The following CNTNAP3B variants were observed in gnomAD, a reference collection of about 807,000 sequenced individuals.
CNTNAP3B encodes the protein contactin associated protein family member 3B.
CNTNAP3B carries 25 observed loss-of-function variants against 108.9 expected under a neutral mutation model. That is an observed-to-expected ratio of 0.23 (90% CI 0.17 to 0.32). CNTNAP3B has a LOEUF of 0.32. Among genes scored for constraint, CNTNAP3B ranks in the 10% least tolerant of loss-of-function variants. The pLI is 1.00. For missense variants in CNTNAP3B, 252 were observed against 1,210.4 expected, an observed-to-expected ratio of 0.21 and a Z score of 11.75; for synonymous variants, 103 against 473.4, an observed-to-expected ratio of 0.22 and a Z score of 10.16.
At chr9:41,999,213 G>A (rs1251111742) in intron 4 of CNTNAP3B, among the ~76,000 whole-genome samples, 1 of 2,378 alleles carries the variant, frequency 4.2e-4, no homozygotes, top group Admixed American at 4.3e-3. Flanking sequence ...GCACTGCAAT[G>A]TGTCAACTTG....
chr9:42,113,445 T>C (rs1032161254), intron 1 of CNTNAP3B, among the ~76,000 whole-genome samples: 3 of 140,128 alleles, frequency 2.1e-5, no homozygotes, highest in African/African-American at 8.5e-5. Context: ...AAGACGAACC[T>C]ATTTTTTTGA....
chr9:41,990,329 G>C (rs1159745897), intron 8 of CNTNAP3B, among the ~76,000 whole-genome samples: 1 of 126,370 alleles, frequency 7.9e-6, no homozygotes, highest in Non-Finnish European at 1.6e-5. Flanking sequence ...AATCTTATTC[G>C]TGAGGAAATG....
intron 13 of CNTNAP3B, among the ~76,000 whole-genome samples, chr9:41,943,770 T>C (rs1360163016): frequency 5.9e-5 from 9 of 152,200 alleles, no homozygotes; most frequent in Non-Finnish European, 1.3e-4. Context: ...TGAGAATGTT[T>C]CAAAATTAAT....
Position 41,929,728 on chromosome 9 carries a change from C to A in CNTNAP3B, c.2238-284G>T, listed in dbSNP as rs557427134. Among the ~76,000 whole-genome samples the A allele has an allele frequency of 1.3e-3, 180 of 133,494 alleles. 24 individuals are homozygous for A. Among genetic ancestry groups the A allele is most frequent in the African/African-American group, 5.3e-3 (175 of 33,092 alleles). The allele number at this position is 133,494 out of a possible 152,430, so 87.6% of individuals were successfully genotyped here. On this transcript the variant is annotated intron_variant, in intron 14 of 23. Transcript: ENST00000377561. ...AAAGCAGCCACAGACACAGGCATGG[C>A]TGGGTTGCAATAAAAATTTTTGGAT...
intron 11 of CNTNAP3B, among the ~76,000 whole-genome samples, chr9:41,961,457 A>C (rs1349632778): frequency 6.6e-6 from 1 of 152,306 alleles, no homozygotes; most frequent in African/African-American, 2.4e-5. Flanking sequence ...CTCAGAATTA[A>C]ACTCTATAAT....
intron 3 of CNTNAP3B, among the ~76,000 whole-genome samples, chr9:42,076,264 A>G (rs1827486356): frequency 8.4e-6 from 1 of 119,612 alleles, no homozygotes; most frequent in Non-Finnish European, 1.7e-5. Context: ...AAAATACAAA[A>G]AAAAAAAAAA....
intron 13 of CNTNAP3B, among the ~76,000 whole-genome samples, chr9:41,944,589 C>G (rs1326648088): frequency 6.6e-6 from 1 of 151,898 alleles, no homozygotes; most frequent in African/African-American, 2.4e-5. Context: ...ATAAAATGCT[C>G]AATTAAAACA....
At position 42,097,288 on chromosome 9, in the gene CNTNAP3B, G is replaced by A. The variant is rs563427919; in HGVS notation, c.196+7341C>T. Reference sequence around the variant, plus strand: ...AGGCATGGAAAATGGGGATGAGTGCGTCCAAGTTAGTTCCAATTTTCAAAC... The same window carrying A: ...AGGCATGGAAAATGGGGATGAGTGCATCCAAGTTAGTTCCAATTTTCAAAC... On this transcript the variant is annotated intron_variant, in intron 2 of 23. Transcript: ENST00000377561. Among the ~76,000 whole-genome samples the A allele has an allele frequency of 2.6e-4, 36 of 140,116 alleles. 5 individuals carry two copies. In the East Asian group the frequency reaches 5.6e-3, roughly 22 times the overall value. The allele number at this position is 140,116 out of a possible 152,430, so 91.9% of individuals were successfully genotyped here.
At chr9:41,957,801 C>A (rs1481318638) in intron 12 of CNTNAP3B, among the ~76,000 whole-genome samples, 1 of 152,296 alleles carries the variant, frequency 6.6e-6, no homozygotes, top group African/African-American at 2.4e-5. Flanking sequence ...CGCTCTGTCA[C>A]CCAGGCTGGA....
intron 3 of CNTNAP3B, among the ~76,000 whole-genome samples, chr9:42,034,158 A>G (rs1358311087): frequency 4.0e-5 from 4 of 100,810 alleles, no homozygotes; most frequent in Non-Finnish European, 8.3e-5. Flanking sequence ...TAATCTACCT[A>G]TTTATCTATA....
rs370092798 is a variant in CNTNAP3B, at chr9:42,044,315, GTT to G, written c.391-30792_391-30791del. Among the ~76,000 whole-genome samples the G allele has an allele frequency of 1.4e-3, 210 of 151,378 alleles. No individual in the cohort carries two copies. In the East Asian group the frequency reaches 0.014, roughly 10 times the overall value. On this transcript the variant is annotated intron_variant, in intron 3 of 23. Coordinates refer to ENST00000377561, the MANE Select transcript of CNTNAP3B (RefSeq NM_001201380.3). ...CATAGTACATATAGGGTTCAGCACT[GTT>G]TGCAGTTTCTGGCATCCACCAGGGA...
intron 3 of CNTNAP3B, among the ~76,000 whole-genome samples, chr9:42,055,078 T>C (rs1206181128): frequency 2.1e-5 from 3 of 139,850 alleles, no homozygotes; most frequent in Non-Finnish European, 4.6e-5. Flanking sequence ...CTGGAGAAAT[T>C]TCAATGGGAA....
intron 10 of CNTNAP3B, among the ~76,000 whole-genome samples, chr9:41,965,238 T>G (rs1430645282): frequency 2.0e-5 from 3 of 152,302 alleles, no homozygotes; most frequent in Non-Finnish European, 4.4e-5. Flanking sequence ...AAAATCTCAA[T>G]GCCTTTTTTT....
chr9:41,961,976 T>G (rs1224493805), intron 11 of CNTNAP3B, among the ~76,000 whole-genome samples: 6 of 152,290 alleles, frequency 3.9e-5, no homozygotes, highest in South Asian at 4.1e-4. Flanking sequence ...TTCACTCAAA[T>G]TAATAACAAT....
intron 3 of CNTNAP3B, among the ~76,000 whole-genome samples, chr9:42,064,846 T>C: frequency 6.8e-6 from 1 of 146,872 alleles, no homozygotes; most frequent in African/African-American, 2.6e-5. Context: ...ATTTTCTTTA[T>C]TCAATCCACT....
Position 42,111,930 on chromosome 9 carries a change from C to T in CNTNAP3B, c.86-7191G>A, listed in dbSNP as rs183646336. Reference sequence around the variant, plus strand: ...GAGCAGAAACGGTTTTAAACTATTGCTGAGTGCAAGTCACACAAACAGCCA... The same window carrying T: ...GAGCAGAAACGGTTTTAAACTATTGTTGAGTGCAAGTCACACAAACAGCCA... On this transcript the variant is annotated intron_variant, in intron 1 of 23. Transcript: ENST00000377561. Among the ~76,000 whole-genome samples the T allele has an allele frequency of 1.3e-3, 185 of 139,068 alleles. 28 individuals carry two copies. Among genetic ancestry groups the T allele is most frequent in the Admixed American group, 3.7e-3 (51 of 13,952 alleles). 91.2% of individuals were successfully genotyped at this position (139,068 alleles called of 152,430 possible).
chr9:42,098,963 G>T (rs1373204267), intron 2 of CNTNAP3B, among the ~76,000 whole-genome samples: 3 of 135,786 alleles, frequency 2.2e-5, no homozygotes, highest in African/African-American at 8.8e-5. Context: ...ACATCCGAAG[G>T]GCTGGTGCAC....
chr9:42,097,360 C>G (rs1249387249), intron 2 of CNTNAP3B, among the ~76,000 whole-genome samples: 1 of 139,774 alleles, frequency 7.2e-6, no homozygotes, highest in Non-Finnish European at 1.5e-5. Context: ...AACTGCCCCA[C>G]GCAGAGAAGC....
chr9:41,955,832 TG>T (rs1824840539), intron 12 of CNTNAP3B, among the ~76,000 whole-genome samples: 1 of 152,284 alleles, frequency 6.6e-6, no homozygotes, highest in African/African-American at 2.4e-5. Context: ...CTCATGATTT[TG>T]ATTGGAATTA....
Sources: gnomAD v4.1 joint callset for allele counts (sites outside exome capture counted in the v4.1 genomes callset) on GRCh38, gnomAD v4.1.1 for gene constraint, MANE v1.5 for transcripts, NCBI Gene and HGNC (gene_info 2026-07-23, HGNC 2026-07-21) for gene names.